SPAG9: variants seen among roughly 807,000 people sequenced by gnomAD.
SPAG9 encodes the protein sperm associated antigen 9, also known as C-Jun-amino-terminal kinase-interacting protein 4.
A neutral mutation model predicts 166.5 loss-of-function variants in SPAG9; 35 were observed. That is an observed-to-expected ratio of 0.21 (90% CI 0.16 to 0.28). The LOEUF is 0.28. Among genes scored for constraint, SPAG9 ranks in the 10% least tolerant of loss-of-function variants. The probability of loss-of-function intolerance (pLI) is 1.00; values close to 1 mark genes in which losing one functional copy is unlikely to be tolerated. For synonymous variants in SPAG9, 534 were observed against 565.5 expected (o/e 0.94, Z 0.79); for missense variants, 1,235 against 1,603.3 (o/e 0.77, Z 3.92).
intron 21 of SPAG9, 131 bp downstream of exon 21, chr17:50,989,545 CA>C: frequency 1.3e-6 from 1 of 776,520 alleles, no homozygotes; most frequent in Non-Finnish European, 2.2e-6. Flanking sequence ...GAAATTATCA[CA>C]AGAATAGGTA....
intron 1 of SPAG9, among the ~76,000 whole-genome samples, chr17:51,113,187 T>G (rs1260847908): frequency 7.4e-6 from 1 of 135,892 alleles, no homozygotes; most frequent in South Asian, 2.4e-4. Flanking sequence ...AACCCCATCT[T>G]TACTACAAAT....
chr17:51,026,780 G>T (rs780081355), intron 6 of SPAG9, among the ~76,000 whole-genome samples: 2 of 150,518 alleles, frequency 1.3e-5, no homozygotes, highest in Admixed American at 1.3e-4. Context: ...AGGTTCAAGT[G>T]ATTCTCCTGC....
chr17:51,008,498 G>T (rs1295906587), intron 9 of SPAG9, among the ~76,000 whole-genome samples: 1 of 151,860 alleles, frequency 6.6e-6, no homozygotes, highest in Non-Finnish European at 1.5e-5. Context: ...AAACAGGAAA[G>T]AAATCTTTCT....
intron 27 of SPAG9, chr17:50,976,885 T>C: frequency 2.4e-6 from 1 of 412,404 alleles, no homozygotes; most frequent in South Asian, 3.0e-5. Context: ...ATTCCTGAAC[T>C]GTGAAAATGT....
At chr17:51,101,391 C>G (rs899074265) in intron 1 of SPAG9, among the ~76,000 whole-genome samples, 1 of 148,956 alleles carries the variant, frequency 6.7e-6, no homozygotes, top group Middle Eastern at 3.5e-3. Context: ...TGGTTTGATG[C>G]TACACTTTGA....
In SPAG9 at chr17:50,990,527, C is replaced by A; in HGVS notation, c.2540G>T (p.Cys847Phe). The A allele has an allele frequency of 6.2e-7, 1 of 1,614,224 alleles. No homozygotes were observed. The highest frequency in any genetic ancestry group is 8.5e-7 in the Non-Finnish European group (1 of 1,180,028). Residue 847 changes from cysteine to phenylalanine, a missense_variant, in exon 20 of 30, where the codon TGT (cysteine) becomes TTT (phenylalanine). This residue lies in a region of SPAG9 where 493 missense variants were observed against 559.4 expected (regional missense o/e 0.88). Transcript: ENST00000262013. ...AGCTCCCGTCACACCTTCTGCAGAA[C>A]AACCAACCACTGTGATGCCTCCTAA... Reference protein sequence around the residue: ...SLLGGITVVGCSAEGVTGAAT... With the variant: ...SLLGGITVVGFSAEGVTGAAT...
chr17:51,059,195 G>C (rs2047437629), intron 2 of SPAG9, among the ~76,000 whole-genome samples: 1 of 152,152 alleles, frequency 6.6e-6, no homozygotes, highest in Non-Finnish European at 1.5e-5. Flanking sequence ...TTACAAGTCA[G>C]GATAGTAGTT....
chr17:51,004,741 C>A (rs2045124670), intron 12 of SPAG9, among the ~76,000 whole-genome samples: 2 of 152,038 alleles, frequency 1.3e-5, no homozygotes, highest in Admixed American at 6.6e-5. Context: ...AAAAAAAAGA[C>A]TAGGGGTATG....
chr17:50,985,588 A>T (rs1974990359), intron 23 of SPAG9, 110 bp downstream of exon 23: 1 of 615,710 alleles, frequency 1.6e-6, no homozygotes, highest in African/African-American at 1.9e-5. Context: ...AAACAAACAA[A>T]TTGGATACTA....
chr17:51,027,093 G>C (rs2046211872), intron 6 of SPAG9, among the ~76,000 whole-genome samples: 1 of 152,098 alleles, frequency 6.6e-6, no homozygotes, highest in Non-Finnish European at 1.5e-5. Context: ...ATTTGGCCAG[G>C]GGCACAATAT....
intron 2 of SPAG9, among the ~76,000 whole-genome samples, chr17:51,069,149 A>G (rs925454429): frequency 6.6e-6 from 1 of 152,092 alleles, no homozygotes; most frequent in Non-Finnish European, 1.5e-5. Context: ...ACCAAAAGAT[A>G]TAATTCAAAC....
chr17:51,060,194 G>C (rs1396420730), intron 2 of SPAG9, among the ~76,000 whole-genome samples: 1 of 151,918 alleles, frequency 6.6e-6, no homozygotes, highest in East Asian at 1.9e-4. Flanking sequence ...CTGCATTTGG[G>C]GGATAGGGCC....
Position 51,001,820 on chromosome 17 carries a change from T to C in SPAG9, c.1502A>G (p.Lys501Arg), listed in dbSNP as rs1431249091. 1.9e-6 allele frequency: 3 copies of C among 1,613,616 alleles called. No individual in the cohort carries two copies. The highest frequency in any genetic ancestry group is 1.1e-5 in the South Asian group (1 of 91,030). The change falls in exon 13 of 30, where the codon AAA becomes AGA. Residue 501 changes from lysine to arginine, a missense_variant. Physicochemically the swap from Lys to Arg is conservative, Grantham distance 26. This residue lies in a region of SPAG9 where 125 missense variants were observed against 194.0 expected (regional missense o/e 0.64). Coordinates refer to ENST00000262013, the MANE Select transcript of SPAG9 (RefSeq NM_001130528.3). ...GGCCATTTCTACTCTAGTAAACCGT[T>C]TCCTCTGGGCTGTGGGAATATCACT... is the stretch of plus-strand genomic sequence containing the variant. The part of the protein sequence containing the change: ...DDSDIPTAQR[K>R]RFTRVEMARV...
At chr17:51,082,377 CAAAAAAAAAA>C (rs773287286) in intron 1 of SPAG9, among the ~76,000 whole-genome samples, 1 of 48,942 alleles carries the variant, frequency 2.0e-5, no homozygotes, top group African/African-American at 7.4e-5. Context: ...AAGACTGTCT[CAAAAAAAAAA>C]AAAAAAAAAA....
At chr17:51,022,631 C>CTAA (rs57083539) in intron 6 of SPAG9, among the ~76,000 whole-genome samples, 21,822 of 148,092 alleles carry the variant, frequency 0.15, 1,901 homozygotes, top group Non-Finnish European at 0.21. Context: ...GCCACCACCA[C>CTAA]TAATAATAAT....
At chr17:51,053,866 T>C (rs1467920051) in intron 3 of SPAG9, among the ~76,000 whole-genome samples, 1 of 77,182 alleles carries the variant, frequency 1.3e-5, no homozygotes, top group Non-Finnish European at 2.4e-5. Context: ...TATATATATA[T>C]ATATATATAT....
At chr17:50,970,941 TAAAC>T in intron 28 of SPAG9, 85 bp from the exon 29 acceptor site, 1 of 1,168,162 alleles carries the variant, frequency 8.6e-7, no homozygotes, top group Admixed American at 2.1e-5. Context: ...TTTTTAGAGT[TAAAC>T]AAAAAGGTAA....
Position 50,995,100 on chromosome 17 carries a change from C to T in SPAG9, c.2183G>A (p.Ser728Asn). The T allele has an allele frequency of 2.5e-6, 4 of 1,614,020 alleles. No individual in the cohort carries two copies. The highest frequency in any genetic ancestry group is 1.6e-4 in the Middle Eastern group (1 of 6,062). Residue 728 changes from serine to asparagine, a missense_variant, in exon 18 of 30, where the codon AGT becomes AAT. Physicochemically the swap from Ser to Asn is conservative, Grantham distance 46. Coordinates refer to ENST00000262013, the MANE Select transcript of SPAG9 (RefSeq NM_001130528.3). ...GLDTEGSKQR[S>N]ASQSSLDKLD... ...CTTATCTAAACTACTCTGAGAGGCA[C>T]TTCGCTGTTTACTGCCTTCTGTATC...
intron 14 of SPAG9, among the ~76,000 whole-genome samples, chr17:50,999,276 A>G (rs949076243): frequency 6.6e-6 from 1 of 152,100 alleles, no homozygotes; most frequent in Non-Finnish European, 1.5e-5. Context: ...ACAAGCACTA[A>G]ATTTCTCATC....
Sources: gnomAD v4.1 joint callset for allele counts (sites outside exome capture counted in the v4.1 genomes callset) on GRCh38, gnomAD v4.1.1 for gene constraint, gnomAD v4.1.1 regional missense constraint, MANE v1.5 for transcripts, NCBI Gene and HGNC (gene_info 2026-07-23, HGNC 2026-07-21) for gene names.